NOL7: variants seen among roughly 807,000 people sequenced by gnomAD.
The protein encoded by NOL7 is U3 small nucleolar RNA-associated protein NOL7.
In NOL7, 36 loss-of-function variants were observed where a neutral mutation model predicts 38.4. The ratio of observed to expected loss-of-function variants is 0.94; its 90% CI spans 0.72 to 1.24. The LOEUF (loss-of-function observed/expected upper bound fraction) is 1.24, where lower values mean the gene tolerates loss of function less well. Among genes scored for constraint, NOL7 ranks in the 50% most tolerant of loss-of-function variants. The pLI is 0.00. For missense variants in NOL7, 350 were observed against 315.1 expected (o/e 1.11, Z -0.84); for synonymous variants, 142 against 126.5 (o/e 1.12, Z -0.82).
intron 2 of NOL7, among the ~76,000 whole-genome samples, 183 bp from the exon 3 acceptor site, chr6:13,616,280 C>G (rs1391791051): frequency 1.3e-5 from 2 of 152,148 alleles, no homozygotes; most frequent in Non-Finnish European, 2.9e-5. Flanking sequence ...TCAAGTCTTT[C>G]AGAGAATGTG....
intron 3 of NOL7, 26 bp downstream of exon 3, chr6:13,616,547 C>G (rs1380478933): frequency 2.0e-6 from 3 of 1,501,848 alleles, no homozygotes; most frequent in East Asian, 2.3e-5. Context: ...TTTTATATTA[C>G]TTGCTTATAT....
intron 4 of NOL7, 41 bp from the exon 5 acceptor site, chr6:13,618,017 T>A (rs1764333587): frequency 8.4e-7 from 1 of 1,194,858 alleles, no homozygotes. Flanking sequence ...TGATTTATTT[T>A]TACGTGAATG....
chr6:13,622,210 G>C, downstream of NOL7: 1 of 692,972 alleles, frequency 1.4e-6, no homozygotes, highest in Non-Finnish European at 2.1e-6. Flanking sequence ...AAAATCATTT[G>C]CATCATGCTG....
intron 8 of NOL7, among the ~76,000 whole-genome samples, chr6:13,629,917 CTCTCGTGT>C (rs771716276): frequency 3.2e-5 from 4 of 124,430 alleles, no homozygotes; most frequent in South Asian, 3.1e-4. Flanking sequence ...CTCTCTCTCT[CTCTCGTGT>C]GTGTGTGTGT....
chr6:13,620,250 T>G lies in NOL7; in HGVS notation c.543T>G (p.Asp181Glu). 12 of 1,614,158 alleles carry G rather than the reference T, an allele frequency of 7.4e-6. No homozygotes were observed. The highest frequency in any genetic ancestry group is 1.0e-5 in the Non-Finnish European group (12 of 1,180,008). The change falls in exon 6 of 8, where the codon GAT becomes GAG. Residue 181 changes from aspartate to glutamate, a missense_variant. Coordinates refer to ENST00000451315, the MANE Select transcript of NOL7 (RefSeq NM_016167.5). ...SYLAVRLKDQ[D>E]LRDSRQQAAQ... ...TGGCCGTAAGGCTAAAAGACCAAGA[T>G]CTGAGAGATTCAAGGCAACAAGCAG...
rs141203899 is a variant in NOL7 at position 13,620,201 on chromosome 6, T to G, written c.501-7T>G. 1,051 of 1,603,680 alleles carry G rather than the reference T, an allele frequency of 6.6e-4. 7 individuals are homozygous for G. In the African/African-American group the frequency reaches 0.013, roughly 20 times the overall value. ...ATTCTTATTTAACCTTTTATATTGA[T>G]CAACAGCCAGAATAAAAGCTACTTG... On this transcript the variant is annotated splice_polypyrimidine_tract_variant and splice_region_variant and intron_variant, in intron 5 of 7. Transcript: ENST00000451315.
At chr6:13,618,486 A>G (rs940467001) in intron 5 of NOL7, among the ~76,000 whole-genome samples, 1 of 151,794 alleles carries the variant, frequency 6.6e-6, no homozygotes, top group East Asian at 1.9e-4. Flanking sequence ...TGACCTCATG[A>G]TCCACCCGCC....
At chr6:13,625,002 G>A (rs1764561089), downstream of NOL7, among the ~76,000 whole-genome samples, 1 of 152,088 alleles carries the variant, frequency 6.6e-6, no homozygotes, top group Non-Finnish European at 1.5e-5. Flanking sequence ...TGGGAACCAG[G>A]TAACAGGGGA....
intron 5 of NOL7, 43 bp downstream of exon 5, chr6:13,618,182 T>A: frequency 1.2e-6 from 1 of 848,486 alleles, no homozygotes; most frequent in East Asian, 2.6e-5. Context: ...AGGAGACCTT[T>A]AAGAGAGTTA....
In NOL7 at chr6:13,620,532, A is replaced by C. The variant is rs1456557327; in HGVS notation, c.700+47A>C. ...CTGTCTCTAATAGCTTTATATGTTG[A>C]ATAATGTTCTTTTGAAGGAGATAGT... On this transcript the variant is annotated intron_variant, in intron 7 of 7. Coordinates refer to ENST00000451315, the MANE Select transcript of NOL7 (RefSeq NM_016167.5). 2.0e-6 allele frequency: 3 copies of C among 1,524,848 alleles called. No individual in the cohort carries two copies. The African/African-American group carries it at 4.1e-5, about 21-fold the overall frequency. The allele number at this position is 1,524,848 out of a possible 1,614,324, so 94.5% of individuals were successfully genotyped here.
intron 3 of NOL7, 61 bp from the exon 4 acceptor site, chr6:13,617,709 T>C: frequency 6.7e-7 from 1 of 1,501,082 alleles, no homozygotes; most frequent in Non-Finnish European, 9.3e-7. Context: ...TGAAATAATA[T>C]AACATGTTTT....
chr6:13,622,591 C>T (rs984940312), downstream of NOL7: 73 of 1,222,044 alleles, frequency 6.0e-5, no homozygotes, highest in Middle Eastern at 2.0e-4. Flanking sequence ...AAAACTACCA[C>T]TCCCATACCA....
chr6:13,619,435 A>G (rs1452326198), intron 5 of NOL7, among the ~76,000 whole-genome samples: 1 of 152,248 alleles, frequency 6.6e-6, no homozygotes, highest in Non-Finnish European at 1.5e-5. Flanking sequence ...GGTCCAAATC[A>G]TTACTTGCAA....
downstream of NOL7, among the ~76,000 whole-genome samples, chr6:13,623,155 T>C (rs1764502617): frequency 6.6e-6 from 1 of 152,180 alleles, no homozygotes; most frequent in African/African-American, 2.4e-5. Context: ...GTAGTACAAA[T>C]GCAATAATTA....
chr6:13,625,793 A>C (rs1445584891), downstream of NOL7: 1 of 1,453,354 alleles, frequency 6.9e-7, no homozygotes, highest in Admixed American at 1.7e-5. Context: ...TTTGGTTTTA[A>C]TTCAAATAGT....
chr6:13,625,744 T>C, downstream of NOL7: 2 of 1,610,086 alleles, frequency 1.2e-6, no homozygotes, highest in Non-Finnish European at 1.7e-6. Flanking sequence ...GATCTGAATA[T>C]GCTAGTAGAC....
At chr6:13,617,415 T>C (rs906381646) in intron 3 of NOL7, among the ~76,000 whole-genome samples, 2 of 152,254 alleles carry the variant, frequency 1.3e-5, no homozygotes, top group African/African-American at 4.8e-5. Flanking sequence ...TTGTGATTTC[T>C]CCAAATGAAA....
chr6:13,617,221 A>T (rs1274750186), intron 3 of NOL7, among the ~76,000 whole-genome samples: 1 of 151,946 alleles, frequency 6.6e-6, no homozygotes, highest in Non-Finnish European at 1.5e-5. Context: ...ACCAAGCTCA[A>T]GTGTCACCTT....
intron 1 of NOL7, 27 bp downstream of exon 1, chr6:13,615,651 G>C (rs753138299): frequency 1.9e-6 from 3 of 1,612,198 alleles, no homozygotes; most frequent in South Asian, 2.2e-5. Context: ...CCGGCGGGGA[G>C]AACCGCCCTT....
Sources: gnomAD v4.1 joint callset for allele counts (sites outside exome capture counted in the v4.1 genomes callset) on GRCh38, gnomAD v4.1.1 for gene constraint, MANE v1.5 for transcripts, NCBI Gene and HGNC (gene_info 2026-07-23, HGNC 2026-07-21) for gene names.